Variants in MGAT5 observed in about 807,000 individuals in gnomAD.
The protein encoded by MGAT5 is alpha-1,6-mannosylglycoprotein 6-beta-N-acetylglucosaminyltransferase A.
MGAT5 carries 30 observed loss-of-function variants against 94.3 expected under a neutral mutation model. The ratio of observed to expected loss-of-function variants is 0.32; its 90% CI spans 0.24 to 0.43. The LOEUF (loss-of-function observed/expected upper bound fraction) is 0.43, where lower values mean the gene tolerates loss of function less well. Among genes scored for constraint, MGAT5 ranks in the 20% least tolerant of loss-of-function variants. MGAT5 has a pLI of 1.00. For missense variants in MGAT5, 691 were observed against 905.5 expected (o/e 0.76, Z 3.04); for synonymous variants, 310 against 322.9 (o/e 0.96, Z 0.43).
chr2:134,254,494 C>T lies in MGAT5; in HGVS notation c.91C>T (p.His31Tyr), dbSNP rs1478963104. 6.2e-7 allele frequency: 1 copy of T among 1,614,194 alleles called. No homozygotes were observed. Among genetic ancestry groups the T allele is most frequent in the South Asian group, 1.1e-5 (1 of 91,084 alleles). The change falls in exon 1 of 16, where the codon CAC becomes TAC. Residue 31 changes from histidine (H) to tyrosine (Y), a missense_variant. His to Tyr is a moderately conservative substitution (Grantham distance 83, BLOSUM62 2). Coordinates refer to ENST00000281923, the MANE Select transcript of MGAT5 (RefSeq NM_002410.5). Reference sequence around the variant, plus strand: ...CTTCATTTGGGGTATGATGCTTCTGCACTTTACCATCCAGCAGCGAACTCA... The same window carrying T: ...CTTCATTTGGGGTATGATGCTTCTGTACTTTACCATCCAGCAGCGAACTCA... ...FGFIWGMMLL[H>Y]FTIQQRTQPE...
chr2:134,243,763 G>A (rs1682090505), intron 1 of MGAT5, among the ~76,000 whole-genome samples: 2 of 152,158 alleles, frequency 1.3e-5, no homozygotes, highest in Admixed American at 1.3e-4. Context: ...GATTTGGGGA[G>A]GACTGTCCCT....
chr2:134,345,875 C>CT (rs976660025), intron 8 of MGAT5, among the ~76,000 whole-genome samples: 12 of 151,722 alleles, frequency 7.9e-5, no homozygotes, highest in African/African-American at 2.2e-4. Context: ...AGGTTATATG[C>CT]TTTTTTTTGT....
intron 1 of MGAT5, among the ~76,000 whole-genome samples, chr2:134,176,371 A>T (rs1688464696): frequency 6.6e-6 from 1 of 152,100 alleles, no homozygotes; most frequent in Admixed American, 6.5e-5. Flanking sequence ...CAGGAGTTCG[A>T]GAACAGCCTG....
intron 1 of MGAT5, among the ~76,000 whole-genome samples, chr2:134,220,723 T>C (rs1214834483): frequency 6.6e-6 from 1 of 152,178 alleles, no homozygotes; most frequent in South Asian, 2.1e-4. Flanking sequence ...CTCACCCTCC[T>C]CTTTCCTTTG....
At chr2:134,388,503 TA>T in intron 10 of MGAT5, among the ~76,000 whole-genome samples, 1 of 152,268 alleles carries the variant, frequency 6.6e-6, no homozygotes, top group Middle Eastern at 3.4e-3. Context: ...TATTGAAATA[TA>T]CAGGGTTCAG....
chr2:134,354,421 G>A (rs1213876585), intron 9 of MGAT5, among the ~76,000 whole-genome samples: 1 of 152,154 alleles, frequency 6.6e-6, no homozygotes, highest in Admixed American at 6.5e-5. Context: ...CCAGTGGGAA[G>A]ATAAAGAAAA....
intron 12 of MGAT5, among the ~76,000 whole-genome samples, chr2:134,420,235 C>T (rs992585866): frequency 1.3e-5 from 2 of 152,012 alleles, no homozygotes; most frequent in African/African-American, 2.4e-5. Flanking sequence ...TGAGAAATAA[C>T]GTTTGTGCAG....
In MGAT5 at chr2:134,338,313, G is replaced by C. The variant is rs375709714; in HGVS notation, c.700G>C (p.Glu234Gln). The C allele has an allele frequency of 6.2e-7, 1 of 1,613,072 alleles. No homozygotes were observed. Among genetic ancestry groups the C allele is most frequent in the Non-Finnish European group, 8.5e-7 (1 of 1,179,518 alleles). ...CTACAGTATGATGAAAAAGCATGAAGAATTCCGGTGGATGAGACTACGGAT... is the reference window on the plus strand; with the variant it reads ...CTACAGTATGATGAAAAAGCATGAACAATTCCGGTGGATGAGACTACGGAT... ...ILYSMMKKHEEFRWMRLRIRR... is the reference protein window; with the variant it reads ...ILYSMMKKHEQFRWMRLRIRR... Residue 234 changes from glutamate to glutamine, a missense_variant, in exon 6 of 16, where the codon GAA becomes CAA. Glu to Gln is a conservative substitution (Grantham distance 29). Around this residue, in one of 4 missense-constraint regions of MGAT5, gnomAD observed 307 missense variants for 335.4 expected, o/e 0.92. Transcript: ENST00000281923.
intron 4 of MGAT5, among the ~76,000 whole-genome samples, chr2:134,335,750 T>C (rs927148149): frequency 6.6e-6 from 1 of 152,150 alleles, no homozygotes; most frequent in Non-Finnish European, 1.5e-5. Context: ...CTAACTCAGA[T>C]AAAGGATTGA....
intron 10 of MGAT5, among the ~76,000 whole-genome samples, chr2:134,392,095 C>T (rs1215955689): frequency 6.6e-6 from 1 of 152,032 alleles, no homozygotes; most frequent in Non-Finnish European, 1.5e-5. Flanking sequence ...GGGAGGAGGA[C>T]GTAGAAAGTG....
At chr2:134,199,887 GGA>G (rs1679691372) in intron 1 of MGAT5, among the ~76,000 whole-genome samples, 1 of 152,116 alleles carries the variant, frequency 6.6e-6, no homozygotes, top group Non-Finnish European at 1.5e-5. Flanking sequence ...CTCTGTATGT[GGA>G]GGTTGTGCAA....
intron 6 of MGAT5, among the ~76,000 whole-genome samples, chr2:134,339,312 C>G (rs866049363): frequency 3.2e-4 from 48 of 152,006 alleles, no homozygotes; most frequent in African/African-American, 1.2e-3. Context: ...GTGGAGTAAC[C>G]TCGAGGATAT....
chr2:134,130,236 C>CGCCCCACACT (rs1686076279), intron 1 of MGAT5, among the ~76,000 whole-genome samples: 2 of 147,590 alleles, frequency 1.4e-5, no homozygotes, highest in African/African-American at 5.0e-5. Context: ...CGCCCCACAC[C>CGCCCCACACT]GCCCCACACC....
At chr2:134,338,229 C>G (rs1040226386) in intron 5 of MGAT5, 30 bp from the exon 6 acceptor site, 3 of 1,543,290 alleles carry the variant, frequency 1.9e-6, no homozygotes, top group Non-Finnish European at 2.6e-6. Context: ...TTTTTATCTT[C>G]TATTCATTTT....
intron 12 of MGAT5, among the ~76,000 whole-genome samples, chr2:134,416,709 C>T (rs147461457): frequency 5.3e-5 from 8 of 151,586 alleles, no homozygotes; most frequent in East Asian, 1.9e-4. Context: ...TGGACTAAAG[C>T]GACCCTTCCA....
chr2:134,353,788 C>T (rs190366474), intron 9 of MGAT5, among the ~76,000 whole-genome samples: 319 of 152,032 alleles, frequency 2.1e-3, no homozygotes, highest in African/African-American at 6.7e-3. Context: ...TTCTCATGGA[C>T]GAGGCTGACT....
intron 12 of MGAT5, among the ~76,000 whole-genome samples, chr2:134,421,794 T>C (rs1443039894): frequency 6.6e-6 from 1 of 152,132 alleles, no homozygotes; most frequent in Non-Finnish European, 1.5e-5. Context: ...GTGGCTAGAA[T>C]GCTCCCTTTA....
At chr2:134,334,778 T>G (rs1488179338) in intron 4 of MGAT5, among the ~76,000 whole-genome samples, 3 of 152,094 alleles carry the variant, frequency 2.0e-5, no homozygotes, top group Admixed American at 1.3e-4. Context: ...CTGCAGATAT[T>G]GCCTTTCATG....
At chr2:134,206,960 C>T (rs955783420) in intron 1 of MGAT5, among the ~76,000 whole-genome samples, 8 of 152,322 alleles carry the variant, frequency 5.3e-5, no homozygotes, top group Middle Eastern at 3.4e-3. Context: ...TGTTTTAAGC[C>T]ACTAAGTATA....
Sources: allele counts gnomAD v4.1 joint callset (sites outside exome capture counted in the v4.1 genomes callset), GRCh38; gene constraint gnomAD v4.1.1; regional missense constraint gnomAD v4.1.1; transcripts MANE v1.5; gene names NCBI Gene and HGNC (gene_info 2026-07-23, HGNC 2026-07-21).